The following PDE11A variants were observed in gnomAD, a reference collection of about 807,000 sequenced individuals.
The protein encoded by PDE11A is phosphodiesterase 11A.
A neutral mutation model predicts 100.5 loss-of-function variants in PDE11A; 100 were observed. The ratio of observed to expected loss-of-function variants is 1.00; its 90% CI spans 0.85 to 1.18. The LOEUF (loss-of-function observed/expected upper bound fraction) is 1.18. Ranked by LOEUF, PDE11A falls within the 50% of genes most tolerant of loss-of-function variation. The pLI, the probability that PDE11A is intolerant of heterozygous loss-of-function variation, is 0.00. For missense variants in PDE11A, 1,141 were observed against 1,152.6 expected (o/e 0.99, Z 0.15); for synonymous variants, 381 against 420.8 (o/e 0.91, Z 1.16).
At chr2:178,081,088 A>C (rs2087279523) in intron 2 of PDE11A, among the ~76,000 whole-genome samples, 1 of 152,200 alleles carries the variant, frequency 6.6e-6, no homozygotes, top group Admixed American at 6.5e-5. Context: ...AATATGAAAT[A>C]GTACTAATAT....
intron 2 of PDE11A, among the ~76,000 whole-genome samples, chr2:177,970,934 T>C (rs902729540): frequency 2.6e-5 from 4 of 152,204 alleles, no homozygotes; most frequent in Middle Eastern, 3.4e-3. Flanking sequence ...TTCAGAGAGA[T>C]TAAAAGGATG....
In PDE11A at chr2:177,663,462, T is replaced by C. The variant is rs890954408; in HGVS notation, c.2646+404A>G. 7.3e-5 allele frequency among the ~76,000 whole-genome samples: 11 copies of C among 149,706 alleles called. No individual in the cohort carries two copies. In the Admixed American group the frequency reaches 7.4e-4, roughly 10 times the overall value. On this transcript the variant is annotated intron_variant, in intron 19 of 19. Transcript: ENST00000286063. ...TTGTAAAAAAAAAAAATTTCCATGGTCAAATATGTTTGAGAAATTGAGCTG... is the reference window on the plus strand; with the variant it reads ...TTGTAAAAAAAAAAAATTTCCATGGCCAAATATGTTTGAGAAATTGAGCTG...
At chr2:177,792,838 C>T (rs1245945355) in intron 9 of PDE11A, among the ~76,000 whole-genome samples, 4 of 152,170 alleles carry the variant, frequency 2.6e-5, no homozygotes, top group African/African-American at 9.7e-5. Flanking sequence ...CCATTGAAGA[C>T]TTAATTTGTG....
Position 177,793,550 on chromosome 2 carries a change from A to C in PDE11A, c.1737+23279T>G, listed in dbSNP as rs1055365284. ...CACAGGGATCTGCAAAAAAAAAAAA[A>C]AAAAAAAAAAGAGCTCCACTCAGGG... On this transcript the variant is annotated intron_variant, in intron 9 of 19. Coordinates refer to ENST00000286063, the MANE Select transcript of PDE11A (RefSeq NM_016953.4). Among the ~76,000 whole-genome samples the C allele has an allele frequency of 4.6e-5, 7 of 151,454 alleles. 1 individual carries two copies. The East Asian group carries it at 1.4e-3, about 29-fold the overall frequency.
intron 2 of PDE11A, among the ~76,000 whole-genome samples, chr2:177,986,795 CACTCCAGCCT>C (rs1321363946): frequency 1.3e-5 from 2 of 149,052 alleles, no homozygotes; most frequent in African/African-American, 2.5e-5. Context: ...CGTGTCACTG[CACTCCAGCCT>C]AGGCAACAGA....
At chr2:177,907,752 C>T (rs1574269399) in intron 2 of PDE11A, among the ~76,000 whole-genome samples, 1 of 152,162 alleles carries the variant, frequency 6.6e-6, no homozygotes, top group Non-Finnish European at 1.5e-5. Flanking sequence ...GACAATATCT[C>T]CCTCTAGACA....
At chr2:177,678,703 C>T (rs2080815878) in intron 16 of PDE11A, among the ~76,000 whole-genome samples, 1 of 152,076 alleles carries the variant, frequency 6.6e-6, no homozygotes, top group African/African-American at 2.4e-5. Flanking sequence ...GAGGGGAGAA[C>T]CCAGAGCACC....
intron 3 of PDE11A, among the ~76,000 whole-genome samples, chr2:177,902,739 A>T (rs912011590): frequency 2.0e-5 from 3 of 152,058 alleles, no homozygotes; most frequent in African/African-American, 7.2e-5. Context: ...CCTGTATCCA[A>T]CTGTTTACTT....
Position 178,071,948 on chromosome 2 carries a change from G to A in PDE11A, c.490C>T (p.Leu164=), listed in dbSNP as rs771865920. 2.5e-6 allele frequency: 4 copies of A among 1,614,012 alleles called. No individual in the cohort carries two copies. The change falls in exon 1 of 20, where the codon CTG becomes TTG. Residue 164 remains leucine, a synonymous_variant. Transcript: ENST00000286063. ...RRALLRKASS[L]PPTTAHILSA... is the part of the protein sequence containing the mutation. ...AGAATATGGGCTGTGGTGGGGGGCA[G>A]GGAGCTTGCCTTCCGGAGAAGTGCC...
rs892769684 is a variant in PDE11A at position 177,927,959 on chromosome 2, C to A, written c.1072-22772G>T. Reference sequence around the variant, plus strand: ...GTCTCTACTAAAAATACAAAATTAGCCAGATGTGGTGGTGCATGCCTGTAA... The same window carrying A: ...GTCTCTACTAAAAATACAAAATTAGACAGATGTGGTGGTGCATGCCTGTAA... On this transcript the variant is annotated intron_variant, in intron 2 of 19. Transcript: ENST00000286063. Among the ~76,000 whole-genome samples, 3 of 151,954 alleles carry A rather than the reference C, an allele frequency of 2.0e-5. No homozygotes were observed. The East Asian group carries it at 5.8e-4, about 29-fold the overall frequency.
intron 17 of PDE11A, among the ~76,000 whole-genome samples, chr2:177,674,969 T>C (rs1481318441): frequency 6.6e-6 from 1 of 152,120 alleles, no homozygotes; most frequent in African/African-American, 2.4e-5. Context: ...ATCAGATAGG[T>C]GGTAAAGGCA....
chr2:177,729,369 A>C (rs1224895505), intron 10 of PDE11A, among the ~76,000 whole-genome samples: 1 of 152,176 alleles, frequency 6.6e-6, no homozygotes, highest in Non-Finnish European at 1.5e-5. Flanking sequence ...CTATCTTATA[A>C]GTCTGATGTG....
At chr2:177,839,685 A>G (rs191914864) in intron 6 of PDE11A, among the ~76,000 whole-genome samples, 2 of 152,284 alleles carry the variant, frequency 1.3e-5, no homozygotes, top group East Asian at 3.9e-4. Context: ...ACAATCTTCA[A>G]TAGGAAACCT....
chr2:178,077,273 T>C (rs2105876691), upstream of PDE11A, among the ~76,000 whole-genome samples: 1 of 146,288 alleles, frequency 6.8e-6, no homozygotes, highest in South Asian at 2.2e-4. Context: ...TTTTTTTTTT[T>C]TTTTTTTTTT....
At chr2:177,775,138 T>C (rs1420994098) in intron 9 of PDE11A, among the ~76,000 whole-genome samples, 1 of 152,196 alleles carries the variant, frequency 6.6e-6, no homozygotes, top group African/African-American at 2.4e-5. Flanking sequence ...TCCAGAAGAA[T>C]GTAGCCTTAC....
chr2:177,898,017 T>C (rs1012076480), intron 4 of PDE11A, 41 bp downstream of exon 4: 6 of 1,505,320 alleles, frequency 4.0e-6, no homozygotes, highest in Non-Finnish European at 5.6e-6. Flanking sequence ...CTTTATTCCA[T>C]TCACACAGTC....
chr2:178,043,682 CCTGTG>C (rs2086710737), intron 1 of PDE11A, among the ~76,000 whole-genome samples: 2 of 152,124 alleles, frequency 1.3e-5, no homozygotes, highest in South Asian at 4.1e-4. Flanking sequence ...TACCATATAA[CCTGTG>C]CATTTATGTA....
chr2:177,669,563 GC>G lies in PDE11A; in HGVS notation c.2491del (p.Ala831GlnfsTer4). 1 of 1,403,220 alleles carries G rather than the reference GC, an allele frequency of 7.1e-7. No individual in the cohort carries two copies. Among genetic ancestry groups the G allele is most frequent in the Non-Finnish European group, 1.0e-6 (1 of 988,178 alleles). The allele number at this position is 1,403,220 out of a possible 1,614,324, so 86.9% of individuals were successfully genotyped here. On this transcript the variant is annotated frameshift_variant, in exon 18 of 20. Coordinates refer to ENST00000286063, the MANE Select transcript of PDE11A (RefSeq NM_016953.4). LOFTEE classifies it high-confidence loss of function. The part of the protein sequence containing the change: ...TKPWEISRQV[A>X]ELVTSEFFEQ... ...GAAGAACTCACTGGTTACAAGTTCTGCCACCTGAAACATATAAATATTTTAA... is the reference window on the plus strand; with the variant it reads ...GAAGAACTCACTGGTTACAAGTTCTGCACCTGAAACATATAAATATTTTAA...
intron 2 of PDE11A, among the ~76,000 whole-genome samples, chr2:178,094,965 T>C (rs1265054978): frequency 6.6e-6 from 1 of 152,126 alleles, no homozygotes; most frequent in Non-Finnish European, 1.5e-5. Flanking sequence ...ACCAGGTCCC[T>C]CCCTCCACAC....
Sources: gnomAD v4.1 joint callset for allele counts (sites outside exome capture counted in the v4.1 genomes callset) on GRCh38, gnomAD v4.1.1 for gene constraint, MANE v1.5 for transcripts, NCBI Gene and HGNC (gene_info 2026-07-23, HGNC 2026-07-21) for gene names.